LRP1B: variants seen among roughly 807,000 people sequenced by gnomAD.
LRP1B encodes low-density lipoprotein receptor-related protein 1B.
Under a neutral mutation model 556.6 loss-of-function variants are expected in LRP1B, and 217 were observed. That is an observed-to-expected ratio of 0.39 (90% CI 0.35 to 0.44). LRP1B has a LOEUF of 0.44. Ranked by LOEUF, LRP1B falls within the 20% of genes least tolerant of loss-of-function variation. The probability of loss-of-function intolerance (pLI) is 1.00; values close to 1 mark genes in which losing one functional copy is unlikely to be tolerated. For missense variants in LRP1B, 5,053 were observed against 5,620.8 expected (o/e 0.90, Z 3.23); for synonymous variants, 2,047 against 1,865.8 (o/e 1.10, Z -2.50).
intron 1 of LRP1B, among the ~76,000 whole-genome samples, chr2:142,034,775 A>G (rs960067055): frequency 2.0e-5 from 3 of 151,780 alleles, no homozygotes; most frequent in African/African-American, 7.2e-5. Context: ...TAATATGCAT[A>G]ATGGCTAGCC....
chr2:141,938,471 C>A (rs181249982), intron 1 of LRP1B, among the ~76,000 whole-genome samples: 12 of 152,066 alleles, frequency 7.9e-5, no homozygotes, highest in South Asian at 4.1e-4. Context: ...GAAAAGGGAA[C>A]CTTTGTACAC....
At chr2:141,263,741 G>A (rs966228134) in intron 3 of LRP1B, among the ~76,000 whole-genome samples, 2 of 152,028 alleles carry the variant, frequency 1.3e-5, no homozygotes, top group Admixed American at 1.3e-4. Context: ...ATATAGATGT[G>A]AAATTCTTCA....
intron 51 of LRP1B, among the ~76,000 whole-genome samples, chr2:140,510,484 C>A (rs532819524): frequency 2.0e-5 from 3 of 152,262 alleles, no homozygotes; most frequent in African/African-American, 7.2e-5. Flanking sequence ...ATAAGCCCAA[C>A]CCATAGAACT....
chr2:142,035,497 T>A lies in LRP1B; in HGVS notation c.82+95151A>T, dbSNP rs116278617. Among the ~76,000 whole-genome samples, 1,241 of 151,668 alleles carry A rather than the reference T, an allele frequency of 8.2e-3. 12 individuals carry two copies. The highest frequency in any genetic ancestry group is 9.7e-3 in the Non-Finnish European group (655 of 67,734). Reference sequence around the variant, plus strand: ...TTTTAATATTCACAGACGGTTCTAATGTGTAGCTTGATTAGAGAACCACTG... The same window carrying A: ...TTTTAATATTCACAGACGGTTCTAAAGTGTAGCTTGATTAGAGAACCACTG... On this transcript the variant is annotated intron_variant, in intron 1 of 90. Transcript: ENST00000389484.
chr2:140,341,875 G>A (rs1681409402), intron 77 of LRP1B, among the ~76,000 whole-genome samples: 2 of 151,402 alleles, frequency 1.3e-5, no homozygotes, highest in Admixed American at 1.3e-4. Flanking sequence ...TGGCTATGGT[G>A]TGGAGAATGG....
At chr2:141,817,921 C>A (rs1477869171) in intron 1 of LRP1B, among the ~76,000 whole-genome samples, 1 of 152,056 alleles carries the variant, frequency 6.6e-6, no homozygotes, top group African/African-American at 2.4e-5. Flanking sequence ...CATTAAACAG[C>A]AATATCCCCA....
chr2:141,839,382 C>T (rs1429771285), intron 1 of LRP1B, among the ~76,000 whole-genome samples: 1 of 152,174 alleles, frequency 6.6e-6, no homozygotes, highest in Admixed American at 6.5e-5. Flanking sequence ...CACAAACATG[C>T]ACCATTGAGC....
chr2:140,246,775 A>G (rs762842631), intron 87 of LRP1B, among the ~76,000 whole-genome samples: 8 of 151,466 alleles, frequency 5.3e-5, no homozygotes, highest in African/African-American at 2.4e-5. Context: ...TTTCACATCC[A>G]TTGTGATATC....
intron 1 of LRP1B, among the ~76,000 whole-genome samples, chr2:141,880,312 T>C (rs1698913114): frequency 6.6e-6 from 1 of 151,464 alleles, no homozygotes; most frequent in South Asian, 2.1e-4. Flanking sequence ...AGTGCAAAAG[T>C]AATTGCAGCT....
intron 20 of LRP1B, among the ~76,000 whole-genome samples, chr2:140,933,455 C>T (rs1695113321): frequency 6.6e-6 from 1 of 151,998 alleles, no homozygotes. Context: ...TGAAATCCTA[C>T]AGTTTAATAG....
At chr2:141,885,527 C>T (rs900745925) in intron 1 of LRP1B, among the ~76,000 whole-genome samples, 1 of 152,082 alleles carries the variant, frequency 6.6e-6, no homozygotes, top group Non-Finnish European at 1.5e-5. Context: ...AATGAGCAGA[C>T]CTTGAAGAGG....
intron 7 of LRP1B, among the ~76,000 whole-genome samples, chr2:141,144,084 C>A (rs1701722845): frequency 6.6e-6 from 1 of 152,110 alleles, no homozygotes; most frequent in Admixed American, 6.6e-5. Flanking sequence ...ATTATTCTGA[C>A]ACTCCTAAGT....
intron 1 of LRP1B, among the ~76,000 whole-genome samples, chr2:142,068,580 TA>T (rs61538872): frequency 0.059 from 9,007 of 151,546 alleles, 625 homozygotes; most frequent in African/African-American, 0.17. Flanking sequence ...GTATTGATGA[TA>T]TTTTTTTTCA....
At chr2:141,785,195 TAC>T (rs920256068) in intron 2 of LRP1B, among the ~76,000 whole-genome samples, 13 of 151,980 alleles carry the variant, frequency 8.6e-5, no homozygotes, top group African/African-American at 2.9e-4. Context: ...TTTTTTCCCC[TAC>T]AGTGATGACC....
At chr2:142,086,176 T>C (rs1256664478) in intron 1 of LRP1B, among the ~76,000 whole-genome samples, 1 of 152,182 alleles carries the variant, frequency 6.6e-6, no homozygotes, top group Non-Finnish European at 1.5e-5. Context: ...CGAAAATGTG[T>C]TGCTATTAGT....
intron 3 of LRP1B, among the ~76,000 whole-genome samples, chr2:141,379,449 A>G (rs1206024361): frequency 1.3e-5 from 2 of 152,156 alleles, no homozygotes; most frequent in Non-Finnish European, 2.9e-5. Context: ...TGCACCAAAT[A>G]CAGAGCTACA....
chr2:142,060,311 T>G (rs1314277859), intron 1 of LRP1B, among the ~76,000 whole-genome samples: 1 of 152,050 alleles, frequency 6.6e-6, no homozygotes, highest in Non-Finnish European at 1.5e-5. Flanking sequence ...TTTTGTGAGT[T>G]ACTGGGTGTC....
chr2:141,998,695 C>T (rs910135875), intron 1 of LRP1B, among the ~76,000 whole-genome samples: 18 of 152,102 alleles, frequency 1.2e-4, no homozygotes, highest in Non-Finnish European at 2.6e-4. Flanking sequence ...AATCAATACA[C>T]ATAAAATATA....
At chr2:140,240,922 G>A (rs1305535420) in intron 87 of LRP1B, among the ~76,000 whole-genome samples, 1 of 150,878 alleles carries the variant, frequency 6.6e-6, no homozygotes, top group African/African-American at 2.4e-5. Context: ...TATAGCCAGA[G>A]GATATCTGGG....
Sources: allele counts gnomAD v4.1 joint callset (sites outside exome capture counted in the v4.1 genomes callset), GRCh38; gene constraint gnomAD v4.1.1; transcripts MANE v1.5; gene names NCBI Gene and HGNC (gene_info 2026-07-23, HGNC 2026-07-21).